BCAS3: variants seen among roughly 807,000 people sequenced by gnomAD.
BCAS3 encodes the protein BCAS3 microtubule associated cell migration factor, also known as BCAS4/BCAS3 fusion.
BCAS3 carries 53 observed loss-of-function variants against 116.1 expected under a neutral mutation model. The observed-to-expected ratio is 0.46, with a 90% confidence interval of 0.37 to 0.57. BCAS3 has a LOEUF of 0.57. Ranked by LOEUF, BCAS3 falls within the 20% of genes least tolerant of loss-of-function variation. The probability of loss-of-function intolerance (pLI) is 0.00; values close to 1 mark genes in which losing one functional copy is unlikely to be tolerated. For synonymous variants in BCAS3, 391 were observed against 408.2 expected (o/e 0.96, Z 0.51); for missense variants, 917 against 1,165.4 (o/e 0.79, Z 3.10).
intron 22 of BCAS3, among the ~76,000 whole-genome samples, chr17:61,254,187 T>A (rs1023664436): frequency 2.0e-5 from 3 of 152,188 alleles, no homozygotes; most frequent in Admixed American, 2.0e-4. Context: ...GATGTTTGTT[T>A]TTTATTTAAA....
At position 61,241,942 on chromosome 17, in the gene BCAS3, A is replaced by ACT; in HGVS notation, c.2426-126385_2426-126384insCT. On this transcript the variant is annotated intron_variant, in intron 22 of 23. Transcript: ENST00000407086. This position sits in a 1 kb window ranked among gnomAD's most constrained non-coding sequence, Gnocchi z 4.6. ...GAGGAATCATTTCTCAGTGTTAAGTATATCTGGGACCAGAAATGGCTCTTG... is the reference window on the plus strand; with the variant it reads ...GAGGAATCATTTCTCAGTGTTAAGTACTTATCTGGGACCAGAAATGGCTCTTG... Among the ~76,000 whole-genome samples the ACT allele has an allele frequency of 6.6e-6, 1 of 152,172 alleles. No homozygotes were observed. The highest frequency in any genetic ancestry group is 6.5e-5 in the Admixed American group (1 of 15,270).
Position 61,119,323 on chromosome 17 carries a change from A to C in BCAS3, c.2425+34759A>C, listed in dbSNP as rs7219672. ...TAGCAAATAAAATACCAACAAACCA[A>C]ATTGAATGTTACAGTAAAAGAATCA... On this transcript the variant is annotated intron_variant, in intron 22 of 23. Transcript: ENST00000407086. Among the ~76,000 whole-genome samples the C allele has an allele frequency of 5.4e-4, 82 of 152,298 alleles. No individual in the cohort carries two copies. The East Asian group carries it at 8.3e-3, about 15-fold the overall frequency.
At position 61,164,962 on chromosome 17, in the gene BCAS3, GAACA is replaced by G. The variant is rs142407531; in HGVS notation, c.2425+80410_2425+80413del. On this transcript the variant is annotated intron_variant, in intron 22 of 23. Transcript: ENST00000407086. ...CTTTCCTGGTCCGTTATGGAAAGGT[GAACA>G]AACAAACAAACCCCACATGGACATT... Among the ~76,000 whole-genome samples, 165 of 152,302 alleles carry G rather than the reference GAACA, an allele frequency of 1.1e-3. No homozygotes were observed. The East Asian group carries it at 0.026, about 24-fold the overall frequency.
chr17:61,177,116 G>T (rs904426082), intron 22 of BCAS3, among the ~76,000 whole-genome samples: 1 of 152,192 alleles, frequency 6.6e-6, no homozygotes, highest in East Asian at 1.9e-4. Context: ...ATAGAAAATT[G>T]TACAAATGTT....
chr17:61,385,111 T>TCTCTGTCTCACGGAACAGGC (rs2059782099), intron 23 of BCAS3, among the ~76,000 whole-genome samples: 1 of 152,124 alleles, frequency 6.6e-6, no homozygotes, highest in Non-Finnish European at 1.5e-5. Flanking sequence ...GCCAACTCCA[T>TCTCTGTCTCACGGAACAGGC]CTCTGTCTCA....
chr17:60,868,957 A>G (rs2054870381), intron 8 of BCAS3, among the ~76,000 whole-genome samples: 1 of 152,234 alleles, frequency 6.6e-6, no homozygotes, highest in Non-Finnish European at 1.5e-5. Flanking sequence ...GTATCTGAGC[A>G]AACTTAAAAA....
At position 61,316,745 on chromosome 17, in the gene BCAS3, C is replaced by CT. The variant is rs1231948282; in HGVS notation, c.2426-51576dup. Among the ~76,000 whole-genome samples, 2 of 152,170 alleles carry CT rather than the reference C, an allele frequency of 1.3e-5. No homozygotes were observed. Among genetic ancestry groups the CT allele is most frequent in the Non-Finnish European group, 2.9e-5 (2 of 68,032 alleles). ...GCCCTCGGAATGATGTGGCTCCTTC[C>CT]TTTTTTAGTCAAACATCTGCTCAAC... On this transcript the variant is annotated intron_variant, in intron 22 of 23. Transcript: ENST00000407086. This position sits in a 1 kb window ranked among gnomAD's most constrained non-coding sequence, Gnocchi z 5.8.
chr17:60,813,188 A>C (rs922872756), intron 7 of BCAS3, among the ~76,000 whole-genome samples: 1 of 152,066 alleles, frequency 6.6e-6, no homozygotes, highest in Admixed American at 6.5e-5. Context: ...GCATTCCTCT[A>C]TACATACACA....
At chr17:61,143,044 A>T (rs112204517) in intron 22 of BCAS3, among the ~76,000 whole-genome samples, 2 of 152,048 alleles carry the variant, frequency 1.3e-5, no homozygotes, top group African/African-American at 4.8e-5. Context: ...AAAGAACTCA[A>T]TTTTTTCAGT....
rs1027397086 is a variant in BCAS3, at chr17:61,144,283, C to T, written c.2425+59719C>T. On this transcript the variant is annotated intron_variant, in intron 22 of 23. Coordinates refer to ENST00000407086, the MANE Select transcript of BCAS3 (RefSeq NM_017679.5). This position sits in a 1 kb window ranked among gnomAD's most constrained non-coding sequence, Gnocchi z 5.0. The stretch of plus-strand genomic sequence containing the variant: ...TCTGAAGACACAACTATCAGCAAAT[C>T]CATATAAGGCAAGTGACTCCCTACC... Among the ~76,000 whole-genome samples, 11 of 152,070 alleles carry T rather than the reference C, an allele frequency of 7.2e-5. No individual in the cohort carries two copies. Among genetic ancestry groups the T allele is most frequent in the South Asian group, 4.1e-4 (2 of 4,824 alleles).
intron 6 of BCAS3, among the ~76,000 whole-genome samples, chr17:60,798,388 A>G (rs2047402444): frequency 1.3e-5 from 2 of 152,170 alleles, no homozygotes; most frequent in Non-Finnish European, 2.9e-5. Flanking sequence ...TCCTGCAACC[A>G]TTGATCTTTT....
intron 22 of BCAS3, among the ~76,000 whole-genome samples, chr17:61,182,958 T>C (rs2079562978): frequency 6.6e-6 from 1 of 152,242 alleles, no homozygotes; most frequent in Non-Finnish European, 1.5e-5. Context: ...TCAGTGTTGT[T>C]TTAGAGGAAA....
chr17:60,846,737 T>A (rs929256599), intron 7 of BCAS3, among the ~76,000 whole-genome samples: 3 of 152,144 alleles, frequency 2.0e-5, no homozygotes, highest in Non-Finnish European at 4.4e-5. Context: ...TTATCTGATA[T>A]GAATCTTGAC....
chr17:60,811,520 T>G, intron 7 of BCAS3: 1 of 297,964 alleles, frequency 3.4e-6, no homozygotes, highest in Non-Finnish European at 6.4e-6. Context: ...AGTTCAGAGG[T>G]AAAAAAAAAA....
chr17:61,153,204 T>C (rs890771370), intron 22 of BCAS3, among the ~76,000 whole-genome samples: 1 of 152,206 alleles, frequency 6.6e-6, no homozygotes, highest in Non-Finnish European at 1.5e-5. Context: ...TTTCAACTAT[T>C]GTAACTAACT....
chr17:61,214,360 C>T lies in BCAS3; in HGVS notation c.2425+129796C>T, dbSNP rs2081645827. On this transcript the variant is annotated intron_variant, in intron 22 of 23. Coordinates refer to ENST00000407086, the MANE Select transcript of BCAS3 (RefSeq NM_017679.5). The surrounding 1 kb of genome is among the most constrained non-coding windows in gnomAD (Gnocchi z 4.4). ...CCAGCCTCGGCCACAGAGCAAGACC[C>T]TATCTCAAAAATAAATAAATAAATA... Among the ~76,000 whole-genome samples, 1 of 145,984 alleles carries T rather than the reference C, an allele frequency of 6.9e-6. No individual in the cohort carries two copies. The highest frequency in any genetic ancestry group is 6.7e-5 in the Admixed American group (1 of 14,960).
At chr17:61,165,662 G>C (rs2078803174) in intron 22 of BCAS3, among the ~76,000 whole-genome samples, 1 of 151,718 alleles carries the variant, frequency 6.6e-6, no homozygotes, top group Admixed American at 6.6e-5. Context: ...CTCCAGTCTG[G>C]GTAACAAGAG....
rs758696075 is a variant in BCAS3, at chr17:60,868,587, C to T, written c.488C>T (p.Pro163Leu). ...TTTTTCTTTTTTAGCACAAGCCCAC[C>T]GTACTGTTGTGTGGATCTGTATTCA... ...KSIGSSGTSP[P>L]YCCVDLYSLR... The change falls in exon 8 of 24, where the codon CCG becomes CTG. Residue 163 changes from proline to leucine, a missense_variant. Pro to Leu is a moderately conservative substitution (Grantham distance 98). Transcript: ENST00000407086. 7.1e-6 allele frequency: 11 copies of T among 1,548,460 alleles called. No individual in the cohort carries two copies. The South Asian group carries it at 7.5e-5, about 11-fold the overall frequency.
chr17:60,887,898 A>AT (rs2056840419), intron 9 of BCAS3, among the ~76,000 whole-genome samples: 1 of 152,140 alleles, frequency 6.6e-6, no homozygotes, highest in African/African-American at 2.4e-5. Flanking sequence ...TGCTTCTAAA[A>AT]ATTTTTTACC....
Sources: allele counts gnomAD v4.1 joint callset (sites outside exome capture counted in the v4.1 genomes callset), GRCh38; gene constraint gnomAD v4.1.1; non-coding constraint Gnocchi (gnomAD v3.1); transcripts MANE v1.5; gene names NCBI Gene and HGNC (gene_info 2026-07-23, HGNC 2026-07-21).